The following FCRL6 variants were observed in gnomAD, a reference collection of about 807,000 sequenced individuals.
FCRL6 encodes the protein Fc receptor-like protein 6.
Under a neutral mutation model 49.1 loss-of-function variants are expected in FCRL6, and 50 were observed. The observed-to-expected ratio is 1.02, with a 90% CI of 0.81 to 1.29. The LOEUF is 1.29. Among genes scored for constraint, FCRL6 ranks in the 50% most tolerant of loss-of-function variants. FCRL6 has a pLI of 0.00. For synonymous variants in FCRL6, 213 were observed against 199.6 expected, an observed-to-expected ratio of 1.07 and a Z score of -0.57; for missense variants, 571 against 518.5, an observed-to-expected ratio of 1.10 and a Z score of -0.98.
intron 6 of FCRL6, 102 bp from the exon 7 acceptor site, chr1:159,813,387 C>A (rs1383678139): frequency 2.0e-6 from 2 of 1,014,360 alleles, no homozygotes; most frequent in South Asian, 1.3e-5. Flanking sequence ...CAGCCTCAAA[C>A]CTCCAGCGGC....
At position 159,809,615 on chromosome 1, in the gene FCRL6, A is replaced by G; in HGVS notation, c.818A>G (p.Asn273Ser). The G allele has an allele frequency of 6.2e-7, 1 of 1,614,182 alleles. No individual in the cohort carries two copies. Reference sequence around the variant, plus strand: ...GTGAAGTCAGAACAGGATGCTGGGAACTACTCCTGCGAGGCTGAGAACAGT... The same window carrying G: ...GTGAAGTCAGAACAGGATGCTGGGAGCTACTCCTGCGAGGCTGAGAACAGT... ...FPVKSEQDAGNYSCEAENSVS... is the reference protein window; with the variant it reads ...FPVKSEQDAGSYSCEAENSVS... Residue 273 changes from asparagine to serine, a missense_variant, in exon 5 of 10, where the codon AAC becomes AGC. Asn to Ser is a conservative substitution (Grantham distance 46). Transcript: ENST00000368106.
chr1:159,803,207 G>A (rs1000848743), intron 1 of FCRL6, among the ~76,000 whole-genome samples: 2 of 152,154 alleles, frequency 1.3e-5, no homozygotes, highest in African/African-American at 2.4e-5. Context: ...AGGATTGCAC[G>A]CAGAGGGTCA....
Position 159,809,494 on chromosome 1 carries a change from G to T in FCRL6, c.697G>T (p.Gly233Cys), listed in dbSNP as rs778062017. The T allele has an allele frequency of 1.9e-6, 3 of 1,613,958 alleles. No individual in the cohort carries two copies. The African/African-American group carries it at 4.0e-5, about 22-fold the overall frequency. Residue 233 changes from glycine (G) to cysteine (C), a missense_variant, in exon 5 of 10, where the codon GGC becomes TGC. Gly to Cys is a radical substitution (Grantham distance 159). Coordinates refer to ENST00000368106, the MANE Select transcript of FCRL6 (RefSeq NM_001004310.3). ...GCAGCTCCTCTGTGAGGCACAGAGG[G>T]GCTCCCCTCCGATCCTGTATTCCTT... is the stretch of plus-strand genomic sequence containing the variant. ...MVQLLCEAQR[G>C]SPPILYSFYL...
chr1:159,814,152 T>C, intron 7 of FCRL6, 69 bp from the exon 8 acceptor site: 1 of 1,430,194 alleles, frequency 7.0e-7, no homozygotes, highest in Non-Finnish European at 9.9e-7. Flanking sequence ...TCTCCATGTC[T>C]TCAGGACACT....
chr1:159,815,007 A>G (rs1357618813), intron 8 of FCRL6, among the ~76,000 whole-genome samples: 1 of 152,260 alleles, frequency 6.6e-6, no homozygotes, highest in East Asian at 1.9e-4. Flanking sequence ...CCTAGGTTCT[A>G]GAAACAAACC....
chr1:159,801,857 C>T (rs541099187), upstream of FCRL6, among the ~76,000 whole-genome samples: 3 of 152,266 alleles, frequency 2.0e-5, no homozygotes, highest in East Asian at 1.9e-4. Flanking sequence ...CCAGACTCAT[C>T]GATGTCTGAT....
At chr1:159,811,203 G>A (rs1042792982) in intron 6 of FCRL6, among the ~76,000 whole-genome samples, 6 of 152,202 alleles carry the variant, frequency 3.9e-5, no homozygotes, top group East Asian at 1.9e-4. Context: ...GGGGGGCCAC[G>A]CATTTATTCC....
At chr1:159,803,162 G>GC in intron 1 of FCRL6, among the ~76,000 whole-genome samples, 1 of 152,100 alleles carries the variant, frequency 6.6e-6, no homozygotes, top group East Asian at 1.9e-4. Flanking sequence ...TCTCATGCAG[G>GC]CTACTTGTAA....
chr1:159,801,683 T>C (rs1264022216), upstream of FCRL6, among the ~76,000 whole-genome samples: 1 of 152,228 alleles, frequency 6.6e-6, no homozygotes, highest in Non-Finnish European at 1.5e-5. Context: ...GAAATTCTTA[T>C]ATTTCTTCTG....
intron 5 of FCRL6, 116 bp from the exon 6 acceptor site, chr1:159,809,978 C>T (rs550634964): frequency 7.5e-7 from 1 of 1,330,986 alleles, no homozygotes; most frequent in Admixed American, 2.2e-5. Flanking sequence ...ATGAGGCTCC[C>T]CCAGGCCAGA....
In FCRL6 at chr1:159,815,804, G is replaced by A; in HGVS notation, c.*143G>A. The A allele has an allele frequency of 1.0e-6, 1 of 994,730 alleles. No individual in the cohort carries two copies. Among genetic ancestry groups the A allele is most frequent in the Non-Finnish European group, 1.5e-6 (1 of 684,020 alleles). 61.6% of individuals were successfully genotyped at this position (994,730 alleles called of 1,614,324 possible). ...GCCCCCTGAGCCCTTGTCCTGGTCA[G>A]GAGCACCTGAACCCTGGGTTCTTTT... On this transcript the variant is annotated 3_prime_UTR_variant, in exon 10 of 10. Transcript: ENST00000368106.
Position 159,815,849 on chromosome 1 carries a change from A to G in FCRL6, c.*188A>G, listed in dbSNP as rs990091911. The stretch of plus-strand genomic sequence containing the variant: ...TCTTTTCTTAGCAGAAGACCAACCA[A>G]TGGAATGGGAAGGGAGATGCTCCCA... On this transcript the variant is annotated 3_prime_UTR_variant, in exon 10 of 10. Transcript: ENST00000368106. The G allele has an allele frequency of 1.3e-5, 8 of 604,318 alleles. No homozygotes were observed. The highest frequency in any genetic ancestry group is 2.0e-5 in the Non-Finnish European group (7 of 349,774). The allele number at this position is 604,318 out of a possible 1,614,324, so 37.4% of individuals were successfully genotyped here.
chr1:159,815,611 A>T lies in FCRL6; in HGVS notation c.1255A>T (p.Ser419Cys). The T allele has an allele frequency of 8.1e-6, 13 of 1,614,174 alleles. No homozygotes were observed. Among genetic ancestry groups the T allele is most frequent in the Non-Finnish European group, 1.1e-5 (13 of 1,180,024 alleles). The change falls in exon 10 of 10, where the codon AGC becomes TGC. Residue 419 changes from serine to cysteine, a missense_variant. Transcript: ENST00000368106. Reference protein sequence around the residue: ...EVSSTEVNMRSRTLQEPLSDC... With the variant: ...EVSSTEVNMRCRTLQEPLSDC... Reference sequence around the variant, plus strand: ...TTCATCCACGGAGGTGAATATGAGAAGCAGGACTCTCCAAGAACCCCTTAG... The same window carrying T: ...TTCATCCACGGAGGTGAATATGAGATGCAGGACTCTCCAAGAACCCCTTAG...
intron 6 of FCRL6, among the ~76,000 whole-genome samples, chr1:159,811,062 C>T (rs1166772380): frequency 1.3e-5 from 2 of 152,152 alleles, no homozygotes; most frequent in South Asian, 4.1e-4. Flanking sequence ...GGTTAAAATT[C>T]TGATGTAGAG....
intron 2 of FCRL6, among the ~76,000 whole-genome samples, chr1:159,806,843 G>A (rs1662724990): frequency 6.6e-6 from 1 of 152,100 alleles, no homozygotes; most frequent in Admixed American, 6.5e-5. Flanking sequence ...CTCAGCAGTG[G>A]GACTCTAGGC....
intron 6 of FCRL6, among the ~76,000 whole-genome samples, chr1:159,810,614 C>T (rs2101752634): frequency 6.6e-6 from 1 of 151,986 alleles, no homozygotes; most frequent in South Asian, 2.1e-4. Context: ...TCATTGAGCT[C>T]AGCAGAGCTC....
Position 159,815,731 on chromosome 1 carries a change from C to G in FCRL6, c.*70C>G, listed in dbSNP as rs1663369850. 5 of 1,578,742 alleles carry G rather than the reference C, an allele frequency of 3.2e-6. No homozygotes were observed. The highest frequency in any genetic ancestry group is 3.5e-6 in the Non-Finnish European group (4 of 1,157,010). The stretch of plus-strand genomic sequence containing the variant: ...TGCTCCTCAGGAAGACAGTGGGGTC[C>G]TCAACTCTTTCTGTGGGTCCTTCAG... On this transcript the variant is annotated 3_prime_UTR_variant, in exon 10 of 10. Coordinates refer to ENST00000368106, the MANE Select transcript of FCRL6 (RefSeq NM_001004310.3).
chr1:159,809,122 C>T lies in FCRL6; in HGVS notation c.481C>T (p.Pro161Ser), dbSNP rs779787477. 1.1e-5 allele frequency: 18 copies of T among 1,614,094 alleles called. No individual in the cohort carries two copies. The highest frequency in any genetic ancestry group is 5.0e-5 in the Admixed American group (3 of 60,020). ...KDGHTLQDRG[P>S]HPELCIPGAK... ...CGGCCACACCTTGCAGGACAGGGGC[C>T]CTCACCCAGAACTCTGCATCCCGGG... Residue 161 changes from proline to serine, a missense_variant, in exon 4 of 10, where the codon CCT becomes TCT. By Grantham distance (74) the Pro-to-Ser change is moderately conservative. Coordinates refer to ENST00000368106, the MANE Select transcript of FCRL6 (RefSeq NM_001004310.3).
chr1:159,809,824 A>C, intron 5 of FCRL6, 141 bp downstream of exon 5: 1 of 800,918 alleles, frequency 1.2e-6, no homozygotes. Context: ...GACCCTAATT[A>C]GTCCATCTGT....
Sources: allele counts gnomAD v4.1 joint callset (sites outside exome capture counted in the v4.1 genomes callset), GRCh38; gene constraint gnomAD v4.1.1; transcripts MANE v1.5; gene names NCBI Gene and HGNC (gene_info 2026-07-23, HGNC 2026-07-21).